The following SETD2 variants were observed in gnomAD, a reference collection of about 807,000 sequenced individuals.
SETD2 encodes the protein histone-lysine N-methyltransferase SETD2.
SETD2 carries 31 observed loss-of-function variants against 242.1 expected under a neutral mutation model. The ratio of observed to expected loss-of-function variants is 0.13; its 90% CI spans 0.10 to 0.17. The LOEUF (loss-of-function observed/expected upper bound fraction) is 0.17. Among genes scored for constraint, SETD2 ranks in the 10% least tolerant of loss-of-function variants. SETD2 has a pLI of 1.00. For synonymous variants in SETD2, 1,006 were observed against 1,066.5 expected (o/e 0.94, Z 1.11); for missense variants, 2,481 against 3,046.3 (o/e 0.81, Z 4.37).
Position 47,020,671 on chromosome 3 carries a change from C to T in SETD2, c.7351-831G>A, listed in dbSNP as rs185063910. 1.9e-3 allele frequency among the ~76,000 whole-genome samples: 293 copies of T among 152,276 alleles called. 3 individuals carry two copies. The highest frequency in any genetic ancestry group is 6.4e-3 in the African/African-American group (266 of 41,546). On this transcript the variant is annotated intron_variant, in intron 18 of 20. Coordinates refer to ENST00000409792, the MANE Select transcript of SETD2 (RefSeq NM_014159.7). ...CCTTCCCAGTAAATGTGCTTTTCCACGGAAAATAATAATTATGAGCATTCC... is the reference window on the plus strand; with the variant it reads ...CCTTCCCAGTAAATGTGCTTTTCCATGGAAAATAATAATTATGAGCATTCC...
chr3:47,061,400 C>T (rs2040325405), intron 14 of SETD2, among the ~76,000 whole-genome samples: 1 of 152,084 alleles, frequency 6.6e-6, no homozygotes, highest in Non-Finnish European at 1.5e-5. Flanking sequence ...CAAGAACTTA[C>T]AGTAGGGAAA....
At chr3:47,102,547 T>G (rs1321817020) in intron 7 of SETD2, among the ~76,000 whole-genome samples, 1 of 152,124 alleles carries the variant, frequency 6.6e-6, no homozygotes, top group Non-Finnish European at 1.5e-5. Context: ...TCTTAGCACT[T>G]TGGGAGGCTG....
At chr3:47,148,374 G>A (rs150925382) in intron 1 of SETD2, among the ~76,000 whole-genome samples, 10 of 151,926 alleles carry the variant, frequency 6.6e-5, no homozygotes, top group African/African-American at 2.4e-4. Context: ...CAGGGGATCC[G>A]CCCACCTCAG....
chr3:47,050,826 G>A (rs2039802002), intron 15 of SETD2, among the ~76,000 whole-genome samples: 2 of 141,290 alleles, frequency 1.4e-5, no homozygotes, highest in South Asian at 2.2e-4. Flanking sequence ...TGCTGCCTGT[G>A]TTCAAGCAAT....
intron 1 of SETD2, among the ~76,000 whole-genome samples, chr3:47,162,188 AG>A (rs1426181533): frequency 6.6e-6 from 1 of 152,164 alleles, no homozygotes; most frequent in African/African-American, 2.4e-5. Flanking sequence ...ACCTGGTAAA[AG>A]GAAGTGAAAG....
At chr3:47,142,017 G>C (rs765208865) in intron 1 of SETD2, among the ~76,000 whole-genome samples, 3 of 152,094 alleles carry the variant, frequency 2.0e-5, no homozygotes, top group Non-Finnish European at 4.4e-5. Context: ...TGATAATATA[G>C]GATGATTGTG....
At chr3:47,126,597 G>T (rs1166257982) in intron 2 of SETD2, 51 bp downstream of exon 2, 1 of 962,432 alleles carries the variant, frequency 1.0e-6, no homozygotes, top group Non-Finnish European at 1.6e-6. Flanking sequence ...TCTAAAATGT[G>T]TTTAGTGGTC....
rs1292129571 is a variant in SETD2, at chr3:47,122,530, C to T, written c.2106G>A (p.Val702=). 3.7e-6 allele frequency: 6 copies of T among 1,614,072 alleles called. No homozygotes were observed. Among genetic ancestry groups the T allele is most frequent in the Non-Finnish European group, 5.1e-6 (6 of 1,179,956 alleles). Residue 702 remains valine (V), a synonymous_variant, in exon 3 of 21, where the codon GTG becomes GTA. Coordinates refer to ENST00000409792, the MANE Select transcript of SETD2 (RefSeq NM_014159.7). ...DAVLMTSDDS[V]TGSELSPLVK... ...CCAAAGGGGATAATTCCGATCCAGT[C>T]ACACTATCATCAGAAGTCATTAAAA...
intron 15 of SETD2, among the ~76,000 whole-genome samples, chr3:47,047,786 G>A (rs1282052227): frequency 6.6e-6 from 1 of 152,166 alleles, no homozygotes; most frequent in Non-Finnish European, 1.5e-5. Context: ...CAAAGCCTGA[G>A]AGGAAAATGT....
intron 19 of SETD2, among the ~76,000 whole-genome samples, chr3:47,019,323 T>A (rs2038116198): frequency 6.6e-6 from 1 of 152,254 alleles, no homozygotes; most frequent in South Asian, 2.1e-4. Flanking sequence ...GCAATCTGTC[T>A]TGCCTACCTC....
Position 47,037,761 on chromosome 3 carries a change from G to T in SETD2, c.7255C>A (p.Pro2419Thr). 2 of 1,613,352 alleles carry T rather than the reference G, an allele frequency of 1.2e-6. No individual in the cohort carries two copies. The highest frequency in any genetic ancestry group is 1.7e-6 in the Non-Finnish European group (2 of 1,179,492). Residue 2419 changes from proline to threonine, a missense_variant, in exon 18 of 21, where the codon CCT (proline) becomes ACT (threonine). This residue lies in a region of SETD2 where 235 missense variants were observed against 293.9 expected (regional missense o/e 0.80). Coordinates refer to ENST00000409792, the MANE Select transcript of SETD2 (RefSeq NM_014159.7). ...TCTCCTGGGCTTTCCCAAGTAGGAG[G>T]ATCCCACTGAGTCTGCCTAGAAAGA... ...HVITRQTQWD[P>T]PTWESPGDDA...
chr3:47,099,874 T>C (rs529599301), intron 8 of SETD2, among the ~76,000 whole-genome samples: 2 of 152,342 alleles, frequency 1.3e-5, no homozygotes, highest in African/African-American at 4.8e-5. Flanking sequence ...GCAGAATAAA[T>C]GTTTAAATGC....
At position 47,124,518 on chromosome 3, in the gene SETD2, A is replaced by C; in HGVS notation, c.118T>G (p.Phe40Val). The change falls in exon 3 of 21, where the codon TTC becomes GTC. Residue 40 changes from phenylalanine (F) to valine (V), a missense_variant. Transcript: ENST00000409792. ...AKIENVQKTG[F>V]IKGPMFKGVA... Reference sequence around the variant, plus strand: ...CCTTTGAACATTGGTCCTTTGATGAAACCTGTTTTCTGCACATTTTCAATC... The same window carrying C: ...CCTTTGAACATTGGTCCTTTGATGACACCTGTTTTCTGCACATTTTCAATC... 1.3e-6 allele frequency: 2 copies of C among 1,546,910 alleles called. No individual in the cohort carries two copies. The highest frequency in any genetic ancestry group is 1.7e-6 in the Non-Finnish European group (2 of 1,144,114).
chr3:47,025,353 C>T (rs886401953), intron 18 of SETD2, among the ~76,000 whole-genome samples: 3 of 152,192 alleles, frequency 2.0e-5, no homozygotes, highest in Non-Finnish European at 2.9e-5. Flanking sequence ...CTTTGCCTAA[C>T]TATTAACACT....
At chr3:47,086,808 G>A (rs1253631549) in intron 10 of SETD2, among the ~76,000 whole-genome samples, 1 of 151,596 alleles carries the variant, frequency 6.6e-6, no homozygotes, top group Non-Finnish European at 1.5e-5. Flanking sequence ...GGAAGAGGGA[G>A]GGACTGGTTG....
Position 47,154,866 on chromosome 3 carries a change from C to T in SETD2, c.71+8988G>A, listed in dbSNP as rs9881995. Among the ~76,000 whole-genome samples the T allele has an allele frequency of 2.6e-3, 389 of 151,964 alleles. 2 individuals carry two copies. Among genetic ancestry groups the T allele is most frequent in the African/African-American group, 9.1e-3 (375 of 41,424 alleles). The stretch of plus-strand genomic sequence containing the variant: ...AAAATTAGCTGGGCGTGGTGGCGGG[C>T]GCCTGTAGTCCCAGCTACTCCGGAG... On this transcript the variant is annotated intron_variant, in intron 1 of 20. Transcript: ENST00000409792.
At chr3:47,144,411 G>C (rs1268931515) in intron 1 of SETD2, among the ~76,000 whole-genome samples, 1 of 152,084 alleles carries the variant, frequency 6.6e-6, no homozygotes, top group Non-Finnish European at 1.5e-5. Flanking sequence ...GACCGAGGCA[G>C]GCGAATCACG....
intron 1 of SETD2, among the ~76,000 whole-genome samples, chr3:47,138,609 T>C (rs1185321726): frequency 6.6e-6 from 1 of 151,930 alleles, no homozygotes; most frequent in Non-Finnish European, 1.5e-5. Flanking sequence ...TTAGTAGAGA[T>C]GAGGTTTCTC....
intron 18 of SETD2, among the ~76,000 whole-genome samples, chr3:47,023,149 C>T (rs2038306797): frequency 6.6e-6 from 1 of 152,130 alleles, no homozygotes; most frequent in African/African-American, 2.4e-5. Flanking sequence ...GCCTGTAATC[C>T]TAGCACTTTG....
Sources: gnomAD v4.1 joint callset for allele counts (sites outside exome capture counted in the v4.1 genomes callset) on GRCh38, gnomAD v4.1.1 for gene constraint, gnomAD v4.1.1 regional missense constraint, MANE v1.5 for transcripts, NCBI Gene and HGNC (gene_info 2026-07-23, HGNC 2026-07-21) for gene names.